YARS2: variants seen among roughly 807,000 people sequenced by gnomAD.
YARS2 encodes the protein tyrosyl-tRNA synthetase 2.
Under a neutral mutation model 45.0 loss-of-function variants are expected in YARS2, and 38 were observed. The observed-to-expected ratio is 0.84, with a 90% confidence interval of 0.65 to 1.11. YARS2 has a LOEUF of 1.11. Ranked by LOEUF, YARS2 falls within the 50% of genes least tolerant of loss-of-function variation. The pLI is 0.00. For synonymous variants in YARS2, 287 were observed against 245.1 expected, an observed-to-expected ratio of 1.17 and a Z score of -1.60; for missense variants, 602 against 599.8, an observed-to-expected ratio of 1.00 and a Z score of -0.04.
intron 2 of YARS2, among the ~76,000 whole-genome samples, chr12:32,753,102 C>A (rs1021068166): frequency 6.6e-6 from 1 of 151,834 alleles, no homozygotes; most frequent in Non-Finnish European, 1.5e-5. Flanking sequence ...TCGCTTGAGT[C>A]CAGGAGTCTG....
At chr12:32,754,919 T>G (rs962912956) in intron 1 of YARS2, among the ~76,000 whole-genome samples, 177 bp downstream of exon 1, 2 of 152,072 alleles carry the variant, frequency 1.3e-5, no homozygotes, top group African/African-American at 4.8e-5. Context: ...TACCCTTAAT[T>G]CAGCCCTTTA....
chr12:32,753,830 A>C, intron 2 of YARS2, 88 bp downstream of exon 2: 1 of 1,561,236 alleles, frequency 6.4e-7, no homozygotes, highest in Admixed American at 1.7e-5. Flanking sequence ...AAAACAAAAA[A>C]ACTATAAAAT....
chr12:32,751,834 C>T (rs139633045), intron 2 of YARS2, among the ~76,000 whole-genome samples: 1,964 of 152,298 alleles, frequency 0.013, 28 homozygotes, highest in Non-Finnish European at 0.018. Context: ...AATGCTCGCT[C>T]GCCTGCCACT....
intron 2 of YARS2, among the ~76,000 whole-genome samples, chr12:32,753,387 A>G (rs1405283960): frequency 1.3e-5 from 2 of 152,204 alleles, no homozygotes; most frequent in Non-Finnish European, 2.9e-5. Context: ...TTTTGCAGGA[A>G]AGTCATATAC....
At chr12:32,749,859 G>A (rs1190714027) in intron 4 of YARS2, 78 bp downstream of exon 4, 9 of 1,559,850 alleles carry the variant, frequency 5.8e-6, no homozygotes, top group South Asian at 1.1e-5. Flanking sequence ...TTACAGGCAT[G>A]AGCCACTTCT....
At position 32,750,779 on chromosome 12, in the gene YARS2, C is replaced by T. The variant is rs751858491; in HGVS notation, c.1043G>A (p.Arg348Gln). Residue 348 changes from arginine (R) to glutamine (Q), a missense_variant, in exon 3 of 5, where the codon CGA (arginine) becomes CAA (glutamine). Coordinates refer to ENST00000324868, the MANE Select transcript of YARS2 (RefSeq NM_001040436.3). ...AAGCTTTGTTACTTCTGCTGCCAGT[C>T]GTTTCTGAGGACCCCGCCTTTCTGG... ...KEPERRGPQKRLAAEVTKLVH... is the reference protein window; with the variant it reads ...KEPERRGPQKQLAAEVTKLVH... 2.5e-5 allele frequency: 41 copies of T among 1,614,002 alleles called. No individual in the cohort carries two copies. In the Middle Eastern group the frequency reaches 4.9e-4, roughly 19 times the overall value.
In YARS2 at chr12:32,746,921, ATTTC is replaced by A. The variant is rs1384213231; in HGVS notation, c.*279_*282del. The A allele has an allele frequency of 2.0e-5, 7 of 354,992 alleles. No individual in the cohort carries two copies. Among genetic ancestry groups the A allele is most frequent in the South Asian group, 1.1e-4 (4 of 35,326 alleles). The allele number at this position is 354,992 out of a possible 1,614,324, so 22.0% of individuals were successfully genotyped here. On this transcript the variant is annotated 3_prime_UTR_variant, in exon 5 of 5. Transcript: ENST00000324868. ...AGGAAGGGTAAGATAGGAAAGCAGC[ATTTC>A]TTTCTCTTCTGAAGTATAATTTTAA...
chr12:32,749,384 A>C (rs1197392479), intron 4 of YARS2, among the ~76,000 whole-genome samples: 1 of 152,168 alleles, frequency 6.6e-6, no homozygotes, highest in East Asian at 1.9e-4. Flanking sequence ...GTGTTGGAGG[A>C]AAGACTGACT....
rs1292894588 is a variant in YARS2 at position 32,750,762 on chromosome 12, T to C, written c.1060A>G (p.Thr354Ala). Residue 354 changes from threonine (T) to alanine (A), a missense_variant, in exon 3 of 5, where the codon ACA becomes GCA. Coordinates refer to ENST00000324868, the MANE Select transcript of YARS2 (RefSeq NM_001040436.3). ...CCTTCTCGTCCATGAACAAGCTTTGTTACTTCTGCTGCCAGTCGTTTCTGA... is the reference window on the plus strand; with the variant it reads ...CCTTCTCGTCCATGAACAAGCTTTGCTACTTCTGCTGCCAGTCGTTTCTGA... The part of the protein sequence containing the change: ...GPQKRLAAEV[T>A]KLVHGREGLD... 1 of 1,614,204 alleles carries C rather than the reference T, an allele frequency of 6.2e-7. No individual in the cohort carries two copies. The highest frequency in any genetic ancestry group is 8.5e-7 in the Non-Finnish European group (1 of 1,180,038).
At chr12:32,750,573 T>A (rs1565557823) in intron 3 of YARS2, 146 bp downstream of exon 3, 2 of 1,040,684 alleles carry the variant, frequency 1.9e-6, no homozygotes, top group Admixed American at 2.3e-5. Flanking sequence ...TTCTTTCCAA[T>A]AAACAGGGGC....
intron 2 of YARS2, among the ~76,000 whole-genome samples, chr12:32,751,409 A>G (rs1955742606): frequency 6.6e-6 from 1 of 152,050 alleles, no homozygotes; most frequent in Non-Finnish European, 1.5e-5. Context: ...GCATAGATGA[A>G]GGCCGCAGTC....
intron 4 of YARS2, among the ~76,000 whole-genome samples, chr12:32,749,359 A>T (rs1955696382): frequency 6.6e-6 from 1 of 152,148 alleles, no homozygotes; most frequent in South Asian, 2.1e-4. Context: ...CATGTCCCTC[A>T]AATGCACTTT....
chr12:32,749,973 C>T lies in YARS2; in HGVS notation c.1238G>A (p.Cys413Tyr). The change falls in exon 4 of 5, where the codon TGC becomes TAC. Residue 413 changes from cysteine (C) to tyrosine (Y), a missense_variant. Transcript: ENST00000324868. The stretch of plus-strand genomic sequence containing the variant: ...ATCTGGAATGGCATTTGCTTTGCGG[C>T]AAGTATCTAGGACACTTGTTCCAGG... ...LDPGTSVLDT[C>Y]RKANAIPDGP... 1.2e-6 allele frequency: 2 copies of T among 1,614,086 alleles called. No homozygotes were observed. The highest frequency in any genetic ancestry group is 1.7e-6 in the Non-Finnish European group (2 of 1,180,024).
At chr12:32,748,558 C>T (rs1371682219) in intron 4 of YARS2, among the ~76,000 whole-genome samples, 1 of 152,078 alleles carries the variant, frequency 6.6e-6, no homozygotes, top group Non-Finnish European at 1.5e-5. Flanking sequence ...AGCGAACACA[C>T]TATAGTAAAG....
intron 2 of YARS2, among the ~76,000 whole-genome samples, chr12:32,753,292 G>A (rs1955783909): frequency 6.6e-6 from 1 of 152,134 alleles, no homozygotes; most frequent in Admixed American, 6.5e-5. Context: ...ATACAAAAAA[G>A]AACTGATATT....
intron 1 of YARS2, 148 bp from the exon 2 acceptor site, chr12:32,754,233 G>A (rs867176630): frequency 2.1e-6 from 2 of 931,534 alleles, no homozygotes; most frequent in Admixed American, 2.0e-5. Flanking sequence ...CTTATGTATT[G>A]TTACAGTACT....
chr12:32,755,228 A>C lies in YARS2; in HGVS notation c.647T>G (p.Leu216Trp). 1.9e-6 allele frequency: 3 copies of C among 1,614,200 alleles called. No homozygotes were observed. Among genetic ancestry groups the C allele is most frequent in the Non-Finnish European group, 2.5e-6 (3 of 1,180,044 alleles). ...GAGCACCTGGTAAAAGAACTCGGCCAAGCTCATGCCCTCGGGGCTCTTGAG... is the reference window on the plus strand; with the variant it reads ...GAGCACCTGGTAAAAGAACTCGGCCCAGCTCATGCCCTCGGGGCTCTTGAG... Reference protein sequence around the residue: ...LRLKSPEGMSLAEFFYQVLQA... With the variant: ...LRLKSPEGMSWAEFFYQVLQA... Residue 216 changes from leucine to tryptophan, a missense_variant, in exon 1 of 5, where the codon TTG becomes TGG. Coordinates refer to ENST00000324868, the MANE Select transcript of YARS2 (RefSeq NM_001040436.3).
chr12:32,755,857 C>A lies in YARS2; in HGVS notation c.18G>T (p.Leu6Phe). 1 of 1,613,244 alleles carries A rather than the reference C, an allele frequency of 6.2e-7. No homozygotes were observed. Among genetic ancestry groups the A allele is most frequent in the Non-Finnish European group, 8.5e-7 (1 of 1,180,036 alleles). Reference protein sequence around the residue: MAAPILRSFSWGRWSG... With the variant: MAAPIFRSFSWGRWSG... ...ACCACCGGCCCCAGGAAAAGGACCG[C>A]AAGATGGGCGCCGCCATCTTGGTAG... The change falls in exon 1 of 5, where the codon TTG becomes TTT. Residue 6 changes from leucine (L) to phenylalanine (F), a missense_variant. Leu to Phe is a conservative substitution (Grantham distance 22). Transcript: ENST00000324868.
At position 32,753,899 on chromosome 12, in the gene YARS2, C is replaced by T; in HGVS notation, c.947+19G>A. ...AGTTTATGGTGTCAGTTTTTCTCAG[C>T]CCATTATTCAGAACTCACCTTTCCA... On this transcript the variant is annotated intron_variant, in intron 2 of 4. Transcript: ENST00000324868. The T allele has an allele frequency of 6.2e-7, 1 of 1,614,058 alleles. No individual in the cohort carries two copies.
Sources: allele counts gnomAD v4.1 joint callset (sites outside exome capture counted in the v4.1 genomes callset), GRCh38; gene constraint gnomAD v4.1.1; transcripts MANE v1.5; gene names NCBI Gene and HGNC (gene_info 2026-07-23, HGNC 2026-07-21).